Variants in ZC3H8 observed in about 807,000 individuals in gnomAD.
The protein encoded by ZC3H8 is zinc finger CCCH-type containing 8.
In ZC3H8, 27 loss-of-function variants were observed where a neutral mutation model predicts 42.5. That is an observed-to-expected ratio of 0.64 (90% CI 0.47 to 0.88). ZC3H8 has a LOEUF of 0.88. Among genes scored for constraint, ZC3H8 ranks in the 40% least tolerant of loss-of-function variants. The probability of loss-of-function intolerance (pLI) is 0.00; values close to 1 mark genes in which losing one functional copy is unlikely to be tolerated. For synonymous variants in ZC3H8, 101 were observed against 110.1 expected (o/e 0.92, Z 0.52); for missense variants, 277 against 336.1 (o/e 0.82, Z 1.37).
intron 8 of ZC3H8, among the ~76,000 whole-genome samples, chr2:112,229,306 A>T (rs72831651): frequency 0.11 from 16,729 of 152,270 alleles, 1,212 homozygotes; most frequent in Non-Finnish European, 0.16. Context: ...ATACCATTTT[A>T]AAAAAGTCTA....
intron 2 of ZC3H8, 121 bp from the exon 3 acceptor site, chr2:112,238,649 G>A: frequency 1.4e-6 from 1 of 714,988 alleles, no homozygotes; most frequent in South Asian, 2.0e-5. Context: ...ATAGGTACAT[G>A]GGATTCATAT....
Position 112,248,367 on chromosome 2 carries a change from AAAAG to A in ZC3H8, c.156+1820_156+1823del, listed in dbSNP as rs376090819. Among the ~76,000 whole-genome samples the A allele has an allele frequency of 1.9e-3, 286 of 152,238 alleles. 1 individual carries two copies. The highest frequency in any genetic ancestry group is 6.2e-3 in the East Asian group (32 of 5,186). On this transcript the variant is annotated intron_variant, in intron 2 of 8. Transcript: ENST00000409573. Reference sequence around the variant, plus strand: ...AAAGAAAAAGAAAAAGAAAAGGAAAAAAAGAAAGAAAGAAAAAGAAAAAGCAAGC... The same window carrying A: ...AAAGAAAAAGAAAAAGAAAAGGAAAAAAAGAAAGAAAAAGAAAAAGCAAGC...
At chr2:112,230,290 C>T (rs1685033955) in intron 8 of ZC3H8, among the ~76,000 whole-genome samples, 1 of 152,092 alleles carries the variant, frequency 6.6e-6, no homozygotes, top group African/African-American at 2.4e-5. Flanking sequence ...GGTATAACTA[C>T]TTGAGAAAAA....
In ZC3H8 at chr2:112,225,044, CTGAA is replaced by C. The variant is rs541326667; in HGVS notation, c.*15+5855_*15+5858del. 1.4e-3 allele frequency among the ~76,000 whole-genome samples: 206 copies of C among 152,250 alleles called. 1 individual carries two copies. Among genetic ancestry groups the C allele is most frequent in the African/African-American group, 4.8e-3 (199 of 41,544 alleles). On this transcript the variant is annotated intron_variant, in intron 8 of 8. Coordinates refer to ENST00000409573, the MANE Select transcript of ZC3H8 (RefSeq NM_032494.3). ...TCCTGTTTTATTCTGTTTGATGCTA[CTGAA>C]TGAAATTGTTTAAACTTCATTTTGA...
At chr2:112,253,578 A>G (rs1224605197) in intron 1 of ZC3H8, among the ~76,000 whole-genome samples, 1 of 152,218 alleles carries the variant, frequency 6.6e-6, no homozygotes, top group African/African-American at 2.4e-5. Context: ...GAAAAAGACC[A>G]AAAAGGAGAA....
At chr2:112,217,905 T>A (rs1438449875) in intron 8 of ZC3H8, among the ~76,000 whole-genome samples, 2 of 152,160 alleles carry the variant, frequency 1.3e-5, no homozygotes, top group African/African-American at 4.8e-5. Flanking sequence ...TGTGTTTGTA[T>A]GTGTGTCTGG....
At chr2:112,238,756 T>C (rs1212280865) in intron 2 of ZC3H8, among the ~76,000 whole-genome samples, 1 of 152,186 alleles carries the variant, frequency 6.6e-6, no homozygotes, top group Non-Finnish European at 1.5e-5. Context: ...CTATGACATA[T>C]CTATCCTTAA....
At position 112,231,830 on chromosome 2, in the gene ZC3H8, A is replaced by G. The variant is rs1553485648; in HGVS notation, c.843+8T>C. 6.6e-7 allele frequency: 1 copy of G among 1,521,888 alleles called. No homozygotes were observed. The highest frequency in any genetic ancestry group is 1.3e-5 in the South Asian group (1 of 79,960). The allele number at this position is 1,521,888 out of a possible 1,614,324, so 94.3% of individuals were successfully genotyped here. A position where few individuals can be genotyped will look rare whatever the true frequency, so the allele number is the denominator to read the frequency against. On this transcript the variant is annotated splice_region_variant and intron_variant, in intron 7 of 8. Coordinates refer to ENST00000409573, the MANE Select transcript of ZC3H8 (RefSeq NM_032494.3). ...AAAAAACAAAAGATTATTAAAAATT[A>G]TACTTACTTTAGCCAACAATTCTTG...
rs562744241 is a variant in ZC3H8 at position 112,236,212 on chromosome 2, C to T, written c.504+350G>A. 9.2e-5 allele frequency among the ~76,000 whole-genome samples: 14 copies of T among 152,034 alleles called. No individual in the cohort carries two copies. The East Asian group carries it at 1.2e-3, about 13-fold the overall frequency. On this transcript the variant is annotated intron_variant, in intron 4 of 8. Transcript: ENST00000409573. ...CCGAGAGGCGGAGCTTGCAGTGAGC[C>T]GAGATCGCACCAGCCTGGGTTACAA...
Position 112,233,273 on chromosome 2 carries a change from A to G in ZC3H8, c.720T>C (p.Cys240=). ...VQGYCTRGEN[C]LYLHNEYPCK... Reference sequence around the variant, plus strand: ...GATAAAGGATATTATGCAAATACAGACAGTTTTCACCTCTGGTACAATATC... The same window carrying G: ...GATAAAGGATATTATGCAAATACAGGCAGTTTTCACCTCTGGTACAATATC... Residue 240 remains cysteine, a synonymous_variant, in exon 6 of 9, where the codon TGT becomes TGC. Coordinates refer to ENST00000409573, the MANE Select transcript of ZC3H8 (RefSeq NM_032494.3). 1 of 1,580,128 alleles carries G rather than the reference A, an allele frequency of 6.3e-7. No individual in the cohort carries two copies. The highest frequency in any genetic ancestry group is 8.6e-7 in the Non-Finnish European group (1 of 1,161,226).
At chr2:112,222,097 ACT>A (rs1314157460) in intron 8 of ZC3H8, among the ~76,000 whole-genome samples, 3 of 151,832 alleles carry the variant, frequency 2.0e-5, no homozygotes, top group Admixed American at 1.3e-4. Flanking sequence ...GGATCAGTTG[ACT>A]GGCTTAGATT....
At chr2:112,254,413 A>G (rs1686055770) in intron 1 of ZC3H8, among the ~76,000 whole-genome samples, 2 of 152,330 alleles carry the variant, frequency 1.3e-5, no homozygotes, top group South Asian at 2.1e-4. Flanking sequence ...TCAGTGGACT[A>G]ATGGCAGAGT....
chr2:112,246,398 A>C (rs1217530407), intron 2 of ZC3H8, among the ~76,000 whole-genome samples: 2 of 152,246 alleles, frequency 1.3e-5, no homozygotes, highest in African/African-American at 2.4e-5. Flanking sequence ...GGCAGAGTAA[A>C]TTGAAAACCT....
intron 2 of ZC3H8, among the ~76,000 whole-genome samples, chr2:112,243,626 A>G (rs1056191261): frequency 8.0e-6 from 1 of 124,636 alleles, no homozygotes; most frequent in African/African-American, 3.2e-5. Flanking sequence ...AAAAACAATT[A>G]TTATTATGTA....
At chr2:112,233,684 G>A (rs1041415802) in intron 5 of ZC3H8, among the ~76,000 whole-genome samples, 4 of 152,014 alleles carry the variant, frequency 2.6e-5, no homozygotes, top group Non-Finnish European at 2.9e-5. Context: ...TGGCTAACAC[G>A]GTGAAACCTC....
chr2:112,220,237 T>C (rs1684524756), intron 8 of ZC3H8, among the ~76,000 whole-genome samples: 1 of 152,196 alleles, frequency 6.6e-6, no homozygotes, highest in Non-Finnish European at 1.5e-5. Context: ...GGCTGCATTA[T>C]AGTGTCACTG....
chr2:112,235,329 A>G (rs1685273163), intron 4 of ZC3H8, among the ~76,000 whole-genome samples: 1 of 152,236 alleles, frequency 6.6e-6, no homozygotes, highest in African/African-American at 2.4e-5. Flanking sequence ...ATATATGTTT[A>G]GAATTTGTTC....
At chr2:112,243,471 A>T (rs1685653382) in intron 2 of ZC3H8, among the ~76,000 whole-genome samples, 1 of 152,220 alleles carries the variant, frequency 6.6e-6, no homozygotes, top group African/African-American at 2.4e-5. Context: ...ACATTTTCAG[A>T]GATGAAATAA....
At chr2:112,217,788 C>G (rs1684393963) in intron 8 of ZC3H8, among the ~76,000 whole-genome samples, 1 of 152,026 alleles carries the variant, frequency 6.6e-6, no homozygotes, top group Non-Finnish European at 1.5e-5. Context: ...TTCAGTTGTC[C>G]TCCTCAAAGT....
Sources: gnomAD v4.1 joint callset for allele counts (sites outside exome capture counted in the v4.1 genomes callset) on GRCh38, gnomAD v4.1.1 for gene constraint, MANE v1.5 for transcripts, NCBI Gene and HGNC (gene_info 2026-07-23, HGNC 2026-07-21) for gene names.